AGAP3: variants seen among roughly 807,000 people sequenced by gnomAD.
AGAP3 encodes arf-GAP with GTPase, ANK repeat and PH domain-containing protein 3.
AGAP3 carries 24 observed loss-of-function variants against 96.9 expected under a neutral mutation model. The ratio of observed to expected loss-of-function variants is 0.25; its 90% CI spans 0.18 to 0.35. The LOEUF (loss-of-function observed/expected upper bound fraction) is 0.35. AGAP3 is among the 10% of genes least tolerant of loss of function. AGAP3 has a pLI of 1.00. For missense variants in AGAP3, 876 were observed against 1,254.2 expected, an observed-to-expected ratio of 0.70 and a Z score of 4.55; for synonymous variants, 563 against 536.1, an observed-to-expected ratio of 1.05 and a Z score of -0.69.
Position 151,114,880 on chromosome 7 carries a change from G to A in AGAP3, c.332-1913G>A, listed in dbSNP as rs1308865250. 24 of 1,007,772 alleles carry A rather than the reference G, an allele frequency of 2.4e-5. No homozygotes were observed. The highest frequency in any genetic ancestry group is 2.8e-5 in the Non-Finnish European group (24 of 847,438). 62.4% of individuals were successfully genotyped at this position (1,007,772 alleles called of 1,614,324 possible). On this transcript the variant is annotated intron_variant, in intron 1 of 17. Transcript: ENST00000397238. This position sits in a 1 kb window ranked among gnomAD's most constrained non-coding sequence, Gnocchi z 4.4. ...CTGGACCTGCACGGCGCCTCGGCCG[G>A]CCGCGCTGCCGCCGCCCTGCAGGCC...
At chr7:151,094,191 C>A (rs748353457) in intron 1 of AGAP3, among the ~76,000 whole-genome samples, 2 of 151,830 alleles carry the variant, frequency 1.3e-5, no homozygotes, top group Non-Finnish European at 2.9e-5. Flanking sequence ...CAGTGCCTAG[C>A]GTGTCATAAG....
Position 151,138,219 on chromosome 7 carries a change from C to A in AGAP3, c.1572C>A (p.Arg524=). The stretch of plus-strand genomic sequence containing the variant: ...GCAGCTCGGCCTGGGCTGGCCCGCG[C>A]CCTGAGGGGCTGCACCAGCGCTCCT... ...PLSSSAWAGP[R]PEGLHQRSCS... is the part of the protein sequence containing the mutation. Residue 524 remains arginine (R), a synonymous_variant, in exon 12 of 18, where the codon CGC becomes CGA. Transcript: ENST00000397238. The A allele has an allele frequency of 1.9e-6, 3 of 1,612,192 alleles. No homozygotes were observed. Among genetic ancestry groups the A allele is most frequent in the Non-Finnish European group, 2.5e-6 (3 of 1,179,622 alleles).
intron 1 of AGAP3, among the ~76,000 whole-genome samples, chr7:151,100,798 C>T (rs983453250): frequency 6.6e-6 from 1 of 152,198 alleles, no homozygotes; most frequent in Non-Finnish European, 1.5e-5. Context: ...GCTGAGATTG[C>T]ACCACTGCAT....
At position 151,114,864 on chromosome 7, in the gene AGAP3, C is replaced by A. The variant is rs1222815327; in HGVS notation, c.332-1929C>A. On this transcript the variant is annotated intron_variant, in intron 1 of 17. Transcript: ENST00000397238. This position sits in a 1 kb window ranked among gnomAD's most constrained non-coding sequence, Gnocchi z 4.4. ...CAGCGTCTGCGACTCGCTGGACCTG[C>A]ACGGCGCCTCGGCCGGCCGCGCTGC... 1 of 1,028,160 alleles carries A rather than the reference C, an allele frequency of 9.7e-7. No individual in the cohort carries two copies. Among genetic ancestry groups the A allele is most frequent in the East Asian group, 9.7e-5 (1 of 10,330 alleles). The allele number at this position is 1,028,160 out of a possible 1,614,324, so 63.7% of individuals were successfully genotyped here. A position where few individuals can be genotyped will look rare whatever the true frequency, so the allele number is the denominator to read the frequency against.
chr7:151,104,476 AAAG>A (rs1306834053), intron 1 of AGAP3, among the ~76,000 whole-genome samples: 2 of 152,244 alleles, frequency 1.3e-5, no homozygotes, highest in Non-Finnish European at 2.9e-5. Context: ...AAACAGGCCA[AAAG>A]AAAAGAAAGA....
In AGAP3 at chr7:151,134,569, G is replaced by A. The variant is rs1800521451; in HGVS notation, c.1495+1G>A. On this transcript the variant is annotated splice_donor_variant, in intron 11 of 17. Coordinates refer to ENST00000397238, the MANE Select transcript of AGAP3 (RefSeq NM_031946.7). LOFTEE classifies it high-confidence loss of function. ...AACACACAGCTGGGTGGGGGCACAGGTGAGGCGGCTGCTGAGGTGGGGGCC... is the reference window on the plus strand; with the variant it reads ...AACACACAGCTGGGTGGGGGCACAGATGAGGCGGCTGCTGAGGTGGGGGCC... The A allele has an allele frequency of 1.9e-6, 3 of 1,603,370 alleles. No individual in the cohort carries two copies. The highest frequency in any genetic ancestry group is 2.6e-6 in the Non-Finnish European group (3 of 1,173,538).
At position 151,118,538 on chromosome 7, in the gene AGAP3, A is replaced by G. The variant is rs1799707266; in HGVS notation, c.875A>G (p.Gln292Arg). 1 of 1,614,046 alleles carries G rather than the reference A, an allele frequency of 6.2e-7. No homozygotes were observed. The highest frequency in any genetic ancestry group is 1.1e-5 in the South Asian group (1 of 91,088). ...AQKVVALRKKQQLAIGPCKSL... is the reference protein window; with the variant it reads ...AQKVVALRKKRQLAIGPCKSL... ...AAGGTAGTGGCCTTGCGAAAGAAGCAGCAACTGGCCATCGGGCCCTGCAAG... is the reference window on the plus strand; with the variant it reads ...AAGGTAGTGGCCTTGCGAAAGAAGCGGCAACTGGCCATCGGGCCCTGCAAG... The change falls in exon 7 of 18, where the codon CAG (glutamine) becomes CGG (arginine). Residue 292 changes from glutamine (Q) to arginine (R), a missense_variant. Coordinates refer to ENST00000397238, the MANE Select transcript of AGAP3 (RefSeq NM_031946.7). The surrounding 1 kb of genome is among the most constrained non-coding windows in gnomAD (Gnocchi z 6.1).
intron 1 of AGAP3, among the ~76,000 whole-genome samples, chr7:151,099,940 A>G (rs1368438599): frequency 1.3e-5 from 2 of 152,190 alleles, no homozygotes; most frequent in Admixed American, 6.5e-5. Context: ...CTCTCCGCCC[A>G]CTTCCTGGCT....
At chr7:151,134,312 G>A (rs1023124458) in intron 10 of AGAP3, 88 bp from the exon 11 acceptor site, 1 of 1,438,414 alleles carries the variant, frequency 7.0e-7, no homozygotes, top group Non-Finnish European at 9.7e-7. Context: ...TCCTCCCACA[G>A]CAGGGAGAGA....
intron 1 of AGAP3, chr7:151,115,549 C>G: frequency 1.8e-6 from 2 of 1,105,830 alleles, no homozygotes; most frequent in Non-Finnish European, 2.2e-6. Flanking sequence ...AGGCTGCTCA[C>G]GAGCCGCTTC....
chr7:151,140,342 A>G lies in AGAP3; in HGVS notation c.1804+226A>G, dbSNP rs1584791104. On this transcript the variant is annotated intron_variant, in intron 13 of 17. Coordinates refer to ENST00000397238, the MANE Select transcript of AGAP3 (RefSeq NM_031946.7). This position sits in a 1 kb window ranked among gnomAD's most constrained non-coding sequence, Gnocchi z 5.4. ...ACCCTTTCTGTTGAAATGTGGGCTT[A>G]CTTCATTTATTCTTAAGGTAAAAGA... 1.9e-5 allele frequency: 8 copies of G among 417,706 alleles called. No individual in the cohort carries two copies. In the East Asian group the frequency reaches 3.5e-4, roughly 18 times the overall value. The allele number at this position is 417,706 out of a possible 1,614,324, so 25.9% of individuals were successfully genotyped here.
At chr7:151,086,248 A>G (rs1317578956), upstream of AGAP3, among the ~76,000 whole-genome samples, 1 of 149,290 alleles carries the variant, frequency 6.7e-6, no homozygotes, top group East Asian at 2.0e-4. Flanking sequence ...GGAAGGGCCG[A>G]GGCTGAGTGG....
At chr7:151,112,396 C>CGTATGTGTGT (rs372118031) in intron 1 of AGAP3, among the ~76,000 whole-genome samples, 64 of 139,950 alleles carry the variant, frequency 4.6e-4, no homozygotes, top group African/African-American at 1.6e-3. Flanking sequence ...TTCCCCGAGA[C>CGTATGTGTGT]GTGTGTGTGT....
chr7:151,089,133 C>T (rs185600262), intron 1 of AGAP3, among the ~76,000 whole-genome samples: 1 of 152,108 alleles, frequency 6.6e-6, no homozygotes, highest in African/African-American at 2.4e-5. Context: ...GTCTTGCGTT[C>T]CCACTTTTCT....
In AGAP3 at chr7:151,142,035, C is replaced by T. The variant is rs756022305; in HGVS notation, c.1942C>T (p.Arg648Cys). 36 of 1,613,792 alleles carry T rather than the reference C, an allele frequency of 2.2e-5. No individual in the cohort carries two copies. Among genetic ancestry groups the T allele is most frequent in the Admixed American group, 6.7e-5 (4 of 60,004 alleles). The change falls in exon 14 of 18, where the codon CGC becomes TGC. Residue 648 changes from arginine to cysteine, a missense_variant. Around this residue, in one of 8 missense-constraint regions of AGAP3, gnomAD observed 103 missense variants for 183.0 expected, o/e 0.56. Transcript: ENST00000397238. This position sits in a 1 kb window ranked among gnomAD's most constrained non-coding sequence, Gnocchi z 7.5. ...AQILASLQGC[R>C]SAKDKTRLGN... is the part of the protein sequence containing the mutation. ...GATCCTTGCCAGCCTGCAAGGCTGC[C>T]GCAGTGCCAAGGACAAGGTGGGTAC...
chr7:151,141,646 C>G lies in AGAP3; in HGVS notation c.1805-252C>G, dbSNP rs1935584448. The G allele has an allele frequency of 1.9e-6, 1 of 516,750 alleles. No homozygotes were observed. The highest frequency in any genetic ancestry group is 5.1e-4 in the Middle Eastern group (1 of 1,950). The allele number at this position is 516,750 out of a possible 1,614,324, so 32.0% of individuals were successfully genotyped here. A position where few individuals can be genotyped will look rare whatever the true frequency, so the allele number is the denominator to read the frequency against. ...CAGTGCCAGGGGTGCCAAGATCTTG[C>G]ATCCCCCATCTGTTTTCACTTAAGC... On this transcript the variant is annotated intron_variant, in intron 13 of 17. Coordinates refer to ENST00000397238, the MANE Select transcript of AGAP3 (RefSeq NM_031946.7). This position sits in a 1 kb window ranked among gnomAD's most constrained non-coding sequence, Gnocchi z 4.2.
At chr7:151,104,966 G>C (rs573464556) in intron 1 of AGAP3, among the ~76,000 whole-genome samples, 1 of 152,194 alleles carries the variant, frequency 6.6e-6, no homozygotes, top group South Asian at 2.1e-4. Context: ...TGCCCCTGGC[G>C]GGGCGGTTTG....
At chr7:151,102,231 G>A (rs1394970602) in intron 1 of AGAP3, among the ~76,000 whole-genome samples, 1 of 152,244 alleles carries the variant, frequency 6.6e-6, no homozygotes, top group East Asian at 1.9e-4. Context: ...CGAGGACAGC[G>A]GCCCAGAGCT....
intron 1 of AGAP3, chr7:151,115,783 G>A: frequency 2.2e-6 from 1 of 449,114 alleles, no homozygotes; most frequent in Non-Finnish European, 3.1e-6. Context: ...CGCGCCTGGC[G>A]TCTGGGGTCT....
Sources: allele counts gnomAD v4.1 joint callset (sites outside exome capture counted in the v4.1 genomes callset), GRCh38; gene constraint gnomAD v4.1.1; regional missense constraint gnomAD v4.1.1; non-coding constraint Gnocchi (gnomAD v3.1); transcripts MANE v1.5; gene names NCBI Gene and HGNC (gene_info 2026-07-23, HGNC 2026-07-21).